Variants in NKAIN3 observed in about 807,000 individuals in gnomAD.
The protein encoded by NKAIN3 is sodium/potassium transporting ATPase interacting 3.
A neutral mutation model predicts 30.2 loss-of-function variants in NKAIN3; 25 were observed. That is an observed-to-expected ratio of 0.83 (90% CI 0.60 to 1.16). NKAIN3 has a LOEUF of 1.16. Among genes scored for constraint, NKAIN3 ranks in the 50% most tolerant of loss-of-function variants. The pLI is 0.00. For synonymous variants in NKAIN3, 91 were observed against 89.6 expected, an observed-to-expected ratio of 1.02 and a Z score of -0.09; for missense variants, 225 against 254.1, an observed-to-expected ratio of 0.89 and a Z score of 0.78.
intron 1 of NKAIN3, among the ~76,000 whole-genome samples, chr8:62,527,920 A>T (rs1452891942): frequency 1.0e-4 from 11 of 108,334 alleles, no homozygotes; most frequent in African/African-American, 3.2e-4. Flanking sequence ...TGTGTGTGAC[A>T]GAGAGACAGA....
At chr8:62,907,142 T>C (rs1268779577) in intron 4 of NKAIN3, among the ~76,000 whole-genome samples, 1 of 152,206 alleles carries the variant, frequency 6.6e-6, no homozygotes, top group Non-Finnish European at 1.5e-5. Context: ...TTGCTATGTT[T>C]AGCAGGTGGC....
intron 1 of NKAIN3, among the ~76,000 whole-genome samples, chr8:62,552,546 C>T (rs1809249800): frequency 6.6e-6 from 1 of 152,156 alleles, no homozygotes; most frequent in Admixed American, 6.5e-5. Context: ...AATGGTACTG[C>T]ATGGAACAAA....
intron 1 of NKAIN3, among the ~76,000 whole-genome samples, chr8:62,503,252 T>A (rs1322627330): frequency 6.6e-6 from 1 of 152,234 alleles, no homozygotes; most frequent in Non-Finnish European, 1.5e-5. Context: ...AGGTCCGTGA[T>A]GCCCACCTGA....
intron 1 of NKAIN3, among the ~76,000 whole-genome samples, chr8:62,298,609 A>G (rs912963140): frequency 2.6e-5 from 4 of 151,994 alleles, no homozygotes; most frequent in Admixed American, 2.0e-4. Flanking sequence ...TGTTCTTTCT[A>G]TCAGGAGCTT....
At chr8:62,868,079 C>A (rs1820481152) in intron 4 of NKAIN3, among the ~76,000 whole-genome samples, 1 of 152,106 alleles carries the variant, frequency 6.6e-6, no homozygotes, top group South Asian at 2.1e-4. Context: ...GACTAGAATG[C>A]ATTAAGAGAC....
intron 4 of NKAIN3, among the ~76,000 whole-genome samples, chr8:62,897,532 C>T (rs1309369204): frequency 6.6e-6 from 1 of 152,048 alleles, no homozygotes; most frequent in East Asian, 1.9e-4. Flanking sequence ...AATGAGTTAA[C>T]CTCACTTCAC....
At chr8:62,702,749 A>C (rs375812619) in intron 3 of NKAIN3, among the ~76,000 whole-genome samples, 1 of 152,194 alleles carries the variant, frequency 6.6e-6, no homozygotes, top group Non-Finnish European at 1.5e-5. Flanking sequence ...TTTTATCTCA[A>C]ATAGTTCTGT....
chr8:62,500,853 C>G (rs1050925161), intron 1 of NKAIN3, among the ~76,000 whole-genome samples: 2 of 152,068 alleles, frequency 1.3e-5, no homozygotes, highest in Non-Finnish European at 2.9e-5. Context: ...ACTATATTCT[C>G]TTGCCACTCT....
At chr8:62,293,260 C>T (rs1813713187) in intron 1 of NKAIN3, among the ~76,000 whole-genome samples, 1 of 152,230 alleles carries the variant, frequency 6.6e-6, no homozygotes, top group Non-Finnish European at 1.5e-5. Context: ...CTCCGTCCAG[C>T]TTTGTTCCGT....
intron 4 of NKAIN3, among the ~76,000 whole-genome samples, chr8:62,872,516 G>T (rs1257195949): frequency 6.6e-6 from 1 of 152,184 alleles, no homozygotes; most frequent in Non-Finnish European, 1.5e-5. Context: ...CATCCAACTG[G>T]ACTCTCACTG....
intron 4 of NKAIN3, among the ~76,000 whole-genome samples, chr8:62,846,289 A>G (rs897866067): frequency 2.0e-5 from 3 of 152,124 alleles, no homozygotes; most frequent in African/African-American, 7.2e-5. Context: ...TTTAAATAAC[A>G]GAATCTTCTT....
intron 1 of NKAIN3, among the ~76,000 whole-genome samples, chr8:62,475,810 A>G (rs1367967322): frequency 6.6e-6 from 1 of 152,180 alleles, no homozygotes; most frequent in Non-Finnish European, 1.5e-5. Context: ...AATTCTTGCT[A>G]AGGAATATGA....
intron 3 of NKAIN3, among the ~76,000 whole-genome samples, chr8:62,609,789 T>G (rs1260237782): frequency 6.6e-6 from 1 of 152,096 alleles, no homozygotes; most frequent in Non-Finnish European, 1.5e-5. Flanking sequence ...AGGAACATGT[T>G]TGGCATGCAC....
At chr8:62,384,762 C>T (rs996205252) in intron 1 of NKAIN3, among the ~76,000 whole-genome samples, 1 of 151,972 alleles carries the variant, frequency 6.6e-6, no homozygotes, top group Non-Finnish European at 1.5e-5. Context: ...AAATTACAGT[C>T]AAATATGCAA....
At position 62,959,433 on chromosome 8, in the gene NKAIN3, G is replaced by GGTGTGTGTGTGTGTGT. The variant is rs35737951; in HGVS notation, c.603+5482_603+5497dup. Among the ~76,000 whole-genome samples the GGTGTGTGTGTGTGTGT allele has an allele frequency of 3.6e-4, 51 of 143,248 alleles. 2 individuals carry two copies. The highest frequency in any genetic ancestry group is 2.3e-3 in the South Asian group (10 of 4,296). 94.0% of individuals were successfully genotyped at this position (143,248 alleles called of 152,430 possible). A position where few individuals can be genotyped will look rare whatever the true frequency, so the allele number is the denominator to read the frequency against. ...AGTACCAGCTAGTAGGACAAATCAG[G>GGTGTGTGTGTGTGTGT]GTGTGTGTGTGTGTGTGTGTGTGTG... On this transcript the variant is annotated intron_variant, in intron 6 of 6. Transcript: ENST00000623646.
intron 4 of NKAIN3, among the ~76,000 whole-genome samples, chr8:62,850,745 T>C (rs1458527022): frequency 6.6e-6 from 1 of 152,122 alleles, no homozygotes; most frequent in Non-Finnish European, 1.5e-5. Flanking sequence ...TTCTCAGGTT[T>C]GTCAAAGATC....
At chr8:62,799,714 T>G (rs1281998191) in intron 4 of NKAIN3, among the ~76,000 whole-genome samples, 1 of 152,192 alleles carries the variant, frequency 6.6e-6, no homozygotes, top group Non-Finnish European at 1.5e-5. Context: ...CAGAGAAAAG[T>G]AAGTCATTAT....
intron 1 of NKAIN3, among the ~76,000 whole-genome samples, chr8:62,496,740 A>T (rs904612260): frequency 6.6e-6 from 1 of 152,182 alleles, no homozygotes; most frequent in Non-Finnish European, 1.5e-5. Context: ...TTTCAAAAAA[A>T]TGGAGCTAAA....
In NKAIN3 at chr8:62,690,176, G is replaced by A. The variant is rs183943674; in HGVS notation, c.274-56756G>A. Among the ~76,000 whole-genome samples, 331 of 152,166 alleles carry A rather than the reference G, an allele frequency of 2.2e-3. 3 individuals are homozygous for A. Among genetic ancestry groups the A allele is most frequent in the African/African-American group, 7.3e-3 (303 of 41,522 alleles). ...CAGGGTCTCAGGCACCAGTCCCGGA[G>A]TTTTTCCCAGCAGGGCTGTGCACCA... On this transcript the variant is annotated intron_variant, in intron 3 of 6. Coordinates refer to ENST00000623646, the MANE Select transcript of NKAIN3 (RefSeq NM_001304533.3).
Sources: gnomAD v4.1 joint callset for allele counts (sites outside exome capture counted in the v4.1 genomes callset) on GRCh38, gnomAD v4.1.1 for gene constraint, MANE v1.5 for transcripts, NCBI Gene and HGNC (gene_info 2026-07-23, HGNC 2026-07-21) for gene names.